The following TMEM131L variants were observed in gnomAD, a reference collection of about 807,000 sequenced individuals.
TMEM131L encodes transmembrane 131 like.
In TMEM131L, 54 loss-of-function variants were observed where a neutral mutation model predicts 192.2. The observed-to-expected ratio is 0.28, with a 90% confidence interval of 0.23 to 0.35. The LOEUF is 0.35. TMEM131L is among the 10% of genes least tolerant of loss of function. The pLI, the probability that TMEM131L is intolerant of heterozygous loss-of-function variation, is 1.00. For missense variants in TMEM131L, 1,888 were observed against 1,972.9 expected, an observed-to-expected ratio of 0.96 and a Z score of 0.82; for synonymous variants, 701 against 704.9, an observed-to-expected ratio of 0.99 and a Z score of 0.09.
chr4:153,560,511 C>G (rs142691079), intron 7 of TMEM131L, among the ~76,000 whole-genome samples: 3 of 152,352 alleles, frequency 2.0e-5, no homozygotes, highest in African/African-American at 7.2e-5. Context: ...ACCACAAAAT[C>G]TGCCCACTTA....
At chr4:153,550,744 G>A (rs1737559972) in intron 4 of TMEM131L, among the ~76,000 whole-genome samples, 1 of 151,968 alleles carries the variant, frequency 6.6e-6, no homozygotes, top group Non-Finnish European at 1.5e-5. Flanking sequence ...AAATATTGAT[G>A]GTCTCTGAAT....
In TMEM131L at chr4:153,555,136, C is replaced by G. The variant is rs1156335659; in HGVS notation, c.309-651C>G. On this transcript the variant is annotated intron_variant, in intron 4 of 34. Coordinates refer to ENST00000409959, the MANE Select transcript of TMEM131L (RefSeq NM_001131007.2). This position sits in a 1 kb window ranked among gnomAD's most constrained non-coding sequence, Gnocchi z 4.1. ...TCATAATTTAAATGGATGAGAACCTCTGCTGCAAAGTGCTGCCGGATTTTC... is the reference window on the plus strand; with the variant it reads ...TCATAATTTAAATGGATGAGAACCTGTGCTGCAAAGTGCTGCCGGATTTTC... Among the ~76,000 whole-genome samples the G allele has an allele frequency of 6.6e-6, 1 of 152,084 alleles. No homozygotes were observed. Among genetic ancestry groups the G allele is most frequent in the African/African-American group, 2.4e-5 (1 of 41,444 alleles).
chr4:153,620,304 A>T (rs1578881492), intron 26 of TMEM131L, among the ~76,000 whole-genome samples: 1 of 152,258 alleles, frequency 6.6e-6, no homozygotes, highest in Non-Finnish European at 1.5e-5. Flanking sequence ...AGTTTGGAGC[A>T]TTCTATAGAG....
intron 26 of TMEM131L, 117 bp from the exon 27 acceptor site, chr4:153,620,639 C>T: frequency 1.8e-6 from 1 of 544,074 alleles, no homozygotes; most frequent in South Asian, 2.8e-5. Context: ...ACATACTTCT[C>T]AGTTTTCAAC....
intron 3 of TMEM131L, among the ~76,000 whole-genome samples, chr4:153,486,043 C>T (rs1561121491): frequency 6.6e-6 from 1 of 152,038 alleles, no homozygotes; most frequent in Non-Finnish European, 1.5e-5. Flanking sequence ...GCCACTTTCC[C>T]AATTAGATGT....
At chr4:153,583,318 G>T (rs1440356890) in intron 10 of TMEM131L, 70 bp downstream of exon 10, 1 of 881,940 alleles carries the variant, frequency 1.1e-6, no homozygotes, top group Admixed American at 1.9e-5. Flanking sequence ...GAATATGAGG[G>T]TTTTTCAGGA....
At position 153,588,337 on chromosome 4, in the gene TMEM131L, G is replaced by GTTT. The variant is rs35057989; in HGVS notation, c.1553-538_1553-536dup. On this transcript the variant is annotated intron_variant, in intron 15 of 34. Coordinates refer to ENST00000409959, the MANE Select transcript of TMEM131L (RefSeq NM_001131007.2). ...TATTTAGGGAGAGTTTTAAAGTATAGTTTTTTTTTTTTTTTTTAAAGATTC... is the reference window on the plus strand; with the variant it reads ...TATTTAGGGAGAGTTTTAAAGTATAGTTTTTTTTTTTTTTTTTTTTAAAGATTC... Among the ~76,000 whole-genome samples, 1,184 of 122,600 alleles carry GTTT rather than the reference G, an allele frequency of 9.7e-3. 27 individuals carry two copies. Among genetic ancestry groups the GTTT allele is most frequent in the African/African-American group, 0.035 (1,095 of 31,220 alleles). 80.4% of individuals were successfully genotyped at this position (122,600 alleles called of 152,430 possible).
intron 3 of TMEM131L, among the ~76,000 whole-genome samples, chr4:153,541,507 C>G (rs1230118238): frequency 1.3e-5 from 2 of 152,158 alleles, no homozygotes; most frequent in African/African-American, 4.8e-5. Context: ...GTACAGCCAG[C>G]TGAGGGGCGT....
chr4:153,622,266 A>AG (rs1733478350), intron 28 of TMEM131L, among the ~76,000 whole-genome samples: 2 of 152,224 alleles, frequency 1.3e-5, no homozygotes, highest in African/African-American at 4.8e-5. Flanking sequence ...TGGTAGGCAG[A>AG]GGGACACCCA....
chr4:153,598,552 A>G (rs1169734390), intron 20 of TMEM131L, 38 bp from the exon 21 acceptor site: 2 of 1,573,736 alleles, frequency 1.3e-6, no homozygotes, highest in Non-Finnish European at 1.7e-6. Flanking sequence ...TTGTGACTCC[A>G]TGTAATGCCT....
At chr4:153,475,742 C>T (rs1163218654) in intron 3 of TMEM131L, among the ~76,000 whole-genome samples, 3 of 152,028 alleles carry the variant, frequency 2.0e-5, no homozygotes, top group African/African-American at 7.3e-5. Context: ...TTCCTTAATA[C>T]AGTATAAAAA....
chr4:153,473,958 C>G, intron 3 of TMEM131L, 70 bp downstream of exon 3: 1 of 1,016,484 alleles, frequency 9.8e-7, no homozygotes, highest in South Asian at 1.5e-5. Context: ...TCTCTGAAGT[C>G]TCAGTATATG....
At chr4:153,487,719 T>TGTGTGTGAGA (rs369094307) in intron 3 of TMEM131L, among the ~76,000 whole-genome samples, 8 of 143,436 alleles carry the variant, frequency 5.6e-5, no homozygotes, top group African/African-American at 1.5e-4. Flanking sequence ...TGTGTGTGTG[T>TGTGTGTGAGA]GAGAGAGAGA....
intron 7 of TMEM131L, among the ~76,000 whole-genome samples, chr4:153,564,404 G>T (rs1729061659): frequency 6.6e-6 from 1 of 150,486 alleles, no homozygotes; most frequent in African/African-American, 2.5e-5. Flanking sequence ...GCCCTCACTA[G>T]AATCTCTTGG....
At chr4:153,565,859 T>C (rs2150559244) in intron 7 of TMEM131L, among the ~76,000 whole-genome samples, 1 of 152,330 alleles carries the variant, frequency 6.6e-6, no homozygotes, top group Non-Finnish European at 1.5e-5. Flanking sequence ...TGGCGAGGTT[T>C]ATGTTGTGTT....
chr4:153,487,176 T>C (rs1732400150), intron 3 of TMEM131L, among the ~76,000 whole-genome samples: 1 of 152,126 alleles, frequency 6.6e-6, no homozygotes. Flanking sequence ...TCAGGGACCA[T>C]GTTACAAAAT....
chr4:153,471,622 A>C (rs1471453469), intron 2 of TMEM131L, among the ~76,000 whole-genome samples: 1 of 152,236 alleles, frequency 6.6e-6, no homozygotes, highest in African/African-American at 2.4e-5. Flanking sequence ...CAATCCATCC[A>C]GACTTCTTTG....
chr4:153,555,710 A>G lies in TMEM131L; in HGVS notation c.309-77A>G. 6.4e-6 allele frequency: 8 copies of G among 1,240,642 alleles called. No homozygotes were observed. The highest frequency in any genetic ancestry group is 8.8e-6 in the Non-Finnish European group (8 of 904,150). The allele number at this position is 1,240,642 out of a possible 1,614,324, so 76.9% of individuals were successfully genotyped here. ...GGTTTAAAAATCTGTGTGTATATAT[A>G]TAATAATACATATATATGTATGGTA... On this transcript the variant is annotated intron_variant, in intron 4 of 34. Transcript: ENST00000409959. The surrounding 1 kb of genome is among the most constrained non-coding windows in gnomAD (Gnocchi z 4.1).
chr4:153,585,591 G>A lies in TMEM131L; in HGVS notation c.1291G>A (p.Glu431Lys). The A allele has an allele frequency of 3.1e-6, 5 of 1,613,460 alleles. No homozygotes were observed. The highest frequency in any genetic ancestry group is 4.2e-6 in the Non-Finnish European group (5 of 1,179,688). The change falls in exon 13 of 35, where the codon GAG becomes AAG. Residue 431 changes from glutamate (E) to lysine (K), a missense_variant. Physicochemically the swap from Glu to Lys is moderately conservative, Grantham distance 56. Transcript: ENST00000409959. ...ATTAAATGATGTGTTTCTTTCCAAG[G>A]AGACCAAGCACATGTTAAAGGTACA... ...VVLNDVFLSK[E>K]TKHMLKILNF...
Sources: allele counts gnomAD v4.1 joint callset (sites outside exome capture counted in the v4.1 genomes callset), GRCh38; gene constraint gnomAD v4.1.1; non-coding constraint Gnocchi (gnomAD v3.1); transcripts MANE v1.5; gene names NCBI Gene and HGNC (gene_info 2026-07-23, HGNC 2026-07-21).